Variants in DCAF1 observed in about 807,000 individuals in gnomAD.
DCAF1 encodes the protein DDB1- and CUL4-associated factor 1.
A neutral mutation model predicts 128.0 loss-of-function variants in DCAF1; 15 were observed. The observed-to-expected ratio is 0.12, with a 90% CI of 0.08 to 0.18. The LOEUF (loss-of-function observed/expected upper bound fraction) is 0.18. Ranked by LOEUF, DCAF1 falls within the 10% of genes least tolerant of loss-of-function variation. DCAF1 has a pLI of 1.00. For synonymous variants in DCAF1, 610 were observed against 603.0 expected, an observed-to-expected ratio of 1.01 and a Z score of -0.17; for missense variants, 988 against 1,649.5, an observed-to-expected ratio of 0.60 and a Z score of 6.95.
intron 13 of DCAF1, among the ~76,000 whole-genome samples, chr3:51,424,997 TA>T (rs1404063795): frequency 2.0e-5 from 3 of 152,192 alleles, no homozygotes; most frequent in Non-Finnish European, 2.9e-5. Context: ...AAAATATTCA[TA>T]AAAAAGATGA....
At chr3:51,465,980 C>T (rs1297417595) in intron 5 of DCAF1, among the ~76,000 whole-genome samples, 1 of 152,104 alleles carries the variant, frequency 6.6e-6, no homozygotes, top group Non-Finnish European at 1.5e-5. Flanking sequence ...GGGTGGATAA[C>T]TTGAGGTCAG....
intron 6 of DCAF1, among the ~76,000 whole-genome samples, chr3:51,446,406 T>A (rs1701859047): frequency 6.6e-6 from 1 of 152,030 alleles, no homozygotes; most frequent in African/African-American, 2.4e-5. Context: ...TGAAGTCAGG[T>A]GTTTGAAGTC....
intron 24 of DCAF1, 26 bp from the exon 25 acceptor site, chr3:51,398,853 A>C: frequency 6.4e-7 from 1 of 1,570,020 alleles, no homozygotes; most frequent in Non-Finnish European, 8.6e-7. Flanking sequence ...AGGGAGAGAC[A>C]AGATTACACA....
chr3:51,467,787 G>A (rs1553647051), intron 4 of DCAF1, among the ~76,000 whole-genome samples: 7 of 152,144 alleles, frequency 4.6e-5, no homozygotes. Flanking sequence ...ACTAGATCCA[G>A]ATGAGCATCA....
intron 9 of DCAF1, chr3:51,437,224 C>T: frequency 2.8e-6 from 1 of 362,730 alleles, no homozygotes; most frequent in South Asian, 2.1e-5. Context: ...CATAGCACCA[C>T]TGCACTGCAC....
intron 10 of DCAF1, among the ~76,000 whole-genome samples, chr3:51,431,797 C>CAA (rs57712570): frequency 7.4e-6 from 1 of 134,880 alleles, no homozygotes; most frequent in African/African-American, 2.7e-5. Context: ...ACAAAAAGTA[C>CAA]AAAAAAAAAA....
At chr3:51,463,726 T>A (rs540110626) in intron 5 of DCAF1, among the ~76,000 whole-genome samples, 1 of 152,008 alleles carries the variant, frequency 6.6e-6, no homozygotes, top group Non-Finnish European at 1.5e-5. Flanking sequence ...AAGGGTGAAG[T>A]GAGCCCTAAT....
At chr3:51,423,381 A>G (rs1443309235) in intron 13 of DCAF1, among the ~76,000 whole-genome samples, 1 of 152,032 alleles carries the variant, frequency 6.6e-6, no homozygotes, top group Non-Finnish European at 1.5e-5. Context: ...GGGCGCCTGT[A>G]GTCCCAGCTA....
chr3:51,410,129 T>C (rs1698264793), intron 23 of DCAF1, among the ~76,000 whole-genome samples: 1 of 152,136 alleles, frequency 6.6e-6, no homozygotes, highest in Non-Finnish European at 1.5e-5. Flanking sequence ...TTGGCAGCAT[T>C]TGGTGAAGTT....
intron 12 of DCAF1, 61 bp downstream of exon 12, chr3:51,429,200 G>T: frequency 1.4e-6 from 1 of 713,144 alleles, no homozygotes; most frequent in South Asian, 1.5e-5. Context: ...GTGAGTTTCA[G>T]GACTGAGATG....
At chr3:51,494,240 G>C (rs1212414762) in intron 2 of DCAF1, among the ~76,000 whole-genome samples, 1 of 149,250 alleles carries the variant, frequency 6.7e-6, no homozygotes, top group Non-Finnish European at 1.5e-5. Flanking sequence ...TCAGCCTCCC[G>C]AGTAGCTGGG....
chr3:51,502,267 C>T (rs1426486281), upstream of DCAF1, among the ~76,000 whole-genome samples: 1 of 152,176 alleles, frequency 6.6e-6, no homozygotes, highest in Non-Finnish European at 1.5e-5. Flanking sequence ...GGTCAGAGCA[C>T]TGTGGCTCAT....
At chr3:51,444,175 A>T (rs1170281477) in intron 6 of DCAF1, among the ~76,000 whole-genome samples, 3 of 152,106 alleles carry the variant, frequency 2.0e-5, no homozygotes, top group African/African-American at 7.2e-5. Flanking sequence ...CAAGCTAAAA[A>T]TTAACAATCC....
chr3:51,460,220 A>G (rs1376829649), intron 6 of DCAF1, among the ~76,000 whole-genome samples: 2 of 152,210 alleles, frequency 1.3e-5, no homozygotes, highest in Non-Finnish European at 2.9e-5. Flanking sequence ...CTCAGGATAC[A>G]AAATCAATGT....
intron 9 of DCAF1, among the ~76,000 whole-genome samples, chr3:51,433,471 T>G (rs1337247534): frequency 1.3e-5 from 2 of 152,092 alleles, no homozygotes; most frequent in Admixed American, 6.5e-5. Flanking sequence ...CCAGGAAATT[T>G]TTTTTTTGAG....
At chr3:51,442,419 C>T (rs1701442565) in intron 7 of DCAF1, among the ~76,000 whole-genome samples, 1 of 152,058 alleles carries the variant, frequency 6.6e-6, no homozygotes, top group Non-Finnish European at 1.5e-5. Context: ...GAGGGATGGC[C>T]AGGTGCGGTA....
chr3:51,430,263 C>A (rs1045168098), intron 10 of DCAF1, 51 bp from the exon 11 acceptor site: 3 of 741,512 alleles, frequency 4.0e-6, no homozygotes, highest in Non-Finnish European at 7.6e-6. Flanking sequence ...GGCAAAGGAG[C>A]CCTTGAACAG....
chr3:51,425,621 G>A (rs1386968305), intron 13 of DCAF1, among the ~76,000 whole-genome samples: 4 of 135,168 alleles, frequency 3.0e-5, no homozygotes, highest in Non-Finnish European at 6.1e-5. Context: ...AAAGTGCAGT[G>A]GCACCATCTT....
rs898616994 is a variant in DCAF1, at chr3:51,422,274, A to G, written c.1972+33T>C. ...GGCAAAGAAAAAACAAATCCAGACC[A>G]AGAAACAACAAAAATGGCAAAGTAC... is the stretch of plus-strand genomic sequence containing the variant. On this transcript the variant is annotated intron_variant, in intron 14 of 24. Transcript: ENST00000684031. 4 of 746,654 alleles carry G rather than the reference A, an allele frequency of 5.4e-6. No individual in the cohort carries two copies. In the African/African-American group the frequency reaches 6.8e-5, roughly 13 times the overall value. The allele number at this position is 746,654 out of a possible 1,614,324, so 46.3% of individuals were successfully genotyped here.
Sources: allele counts gnomAD v4.1 joint callset (sites outside exome capture counted in the v4.1 genomes callset), GRCh38; gene constraint gnomAD v4.1.1; transcripts MANE v1.5; gene names NCBI Gene and HGNC (gene_info 2026-07-23, HGNC 2026-07-21).